Variants in PPFIA1 observed in about 807,000 individuals in gnomAD.
The protein encoded by PPFIA1 is PPFI scaffold protein A1, also known as liprin-alpha-1.
Under a neutral mutation model 149.9 loss-of-function variants are expected in PPFIA1, and 25 were observed. The observed-to-expected ratio is 0.17, with a 90% CI of 0.12 to 0.23. The LOEUF is 0.23. Among genes scored for constraint, PPFIA1 ranks in the 10% least tolerant of loss-of-function variants. The probability of loss-of-function intolerance (pLI) is 1.00; values close to 1 mark genes in which losing one functional copy is unlikely to be tolerated. For missense variants in PPFIA1, 1,362 were observed against 1,506.5 expected, an observed-to-expected ratio of 0.90 and a Z score of 1.59; for synonymous variants, 549 against 552.8, an observed-to-expected ratio of 0.99 and a Z score of 0.10.
At chr11:70,315,694 T>G (rs1420035324) in intron 2 of PPFIA1, among the ~76,000 whole-genome samples, 1 of 147,652 alleles carries the variant, frequency 6.8e-6, no homozygotes, top group African/African-American at 2.5e-5. Context: ...TTTTTTTTTT[T>G]TTTTTTTTTG....
chr11:70,335,472 A>C (rs1021554905), intron 10 of PPFIA1, 91 bp from the exon 11 acceptor site: 1 of 1,481,430 alleles, frequency 6.8e-7, no homozygotes, highest in Admixed American at 1.8e-5. Context: ...GGGAGGGCAC[A>C]CATGGGGCTC....
At chr11:70,349,877 G>C (rs561944106) in intron 16 of PPFIA1, 1 of 454,744 alleles carries the variant, frequency 2.2e-6, no homozygotes, top group Non-Finnish European at 4.4e-6. Context: ...CTATGCTTCC[G>C]TCATTGGTTT....
At chr11:70,316,728 G>A (rs1476252758) in intron 2 of PPFIA1, among the ~76,000 whole-genome samples, 2 of 152,236 alleles carry the variant, frequency 1.3e-5, no homozygotes, top group Non-Finnish European at 2.9e-5. Context: ...TTCCACTGGC[G>A]ATAGGGCTAC....
intron 19 of PPFIA1, among the ~76,000 whole-genome samples, chr11:70,359,795 T>C (rs765614304): frequency 6.6e-6 from 1 of 152,198 alleles, no homozygotes; most frequent in Non-Finnish European, 1.5e-5. Context: ...CAGTAGCAAG[T>C]GAAAGAGCCA....
At chr11:70,339,843 C>T (rs1451452586) in intron 14 of PPFIA1, among the ~76,000 whole-genome samples, 6 of 151,926 alleles carry the variant, frequency 3.9e-5, no homozygotes, top group East Asian at 1.9e-4. Flanking sequence ...GGTGAAACCC[C>T]GTCTCTACTA....
chr11:70,296,916 T>C (rs1158670308), intron 2 of PPFIA1, among the ~76,000 whole-genome samples: 1 of 152,196 alleles, frequency 6.6e-6, no homozygotes, highest in Non-Finnish European at 1.5e-5. Flanking sequence ...CGCTGCTCAC[T>C]GTGAGACGTG....
At chr11:70,342,522 C>T (rs1291718520) in intron 14 of PPFIA1, among the ~76,000 whole-genome samples, 1 of 152,226 alleles carries the variant, frequency 6.6e-6, no homozygotes, top group Non-Finnish European at 1.5e-5. Context: ...GCCCATGCCG[C>T]ATACACTGCC....
At chr11:70,371,313 A>G (rs1254020794) in intron 21 of PPFIA1, 2 of 10 alleles carry the variant, frequency 0.2, no homozygotes, top group Middle Eastern at 0.5. Context: ...CTATACAGAC[A>G]TTAAAAGCAT....
intron 2 of PPFIA1, among the ~76,000 whole-genome samples, chr11:70,313,404 A>G (rs1161558017): frequency 2.0e-5 from 3 of 152,244 alleles, no homozygotes; most frequent in Non-Finnish European, 4.4e-5. Flanking sequence ...CAGGAAAGTC[A>G]GAGTCTGATT....
chr11:70,345,427 G>A (rs1343469460), intron 15 of PPFIA1, among the ~76,000 whole-genome samples: 2 of 152,064 alleles, frequency 1.3e-5, no homozygotes, highest in Non-Finnish European at 2.9e-5. Flanking sequence ...AGGAGCACAT[G>A]GAGCATGTTC....
intron 21 of PPFIA1, among the ~76,000 whole-genome samples, chr11:70,366,547 T>C (rs2056949486): frequency 6.6e-6 from 1 of 152,246 alleles, no homozygotes; most frequent in Non-Finnish European, 1.5e-5. Context: ...CCCAACTGTT[T>C]TGCATTCTGT....
intron 3 of PPFIA1, 104 bp from the exon 4 acceptor site, chr11:70,324,743 G>C: frequency 8.9e-7 from 1 of 1,129,642 alleles, no homozygotes; most frequent in Non-Finnish European, 1.3e-6. Flanking sequence ...GAATTGAAGG[G>C]ACTTCATTTT....
At chr11:70,325,442 A>G in intron 4 of PPFIA1, 58 bp from the exon 5 acceptor site, 4 of 1,145,516 alleles carry the variant, frequency 3.5e-6, no homozygotes, top group Non-Finnish European at 3.9e-6. Context: ...ACTATATATT[A>G]AGAATAAAAT....
rs1246928808 is a variant in PPFIA1, at chr11:70,295,384, A to AC, written c.264+22955dup. 3.8e-4 allele frequency among the ~76,000 whole-genome samples: 45 copies of AC among 117,066 alleles called. 1 individual carries two copies. The highest frequency in any genetic ancestry group is 1.2e-3 in the African/African-American group (36 of 31,198). 76.8% of individuals were successfully genotyped at this position (117,066 alleles called of 152,430 possible). On this transcript the variant is annotated intron_variant, in intron 2 of 27. Coordinates refer to ENST00000253925, the MANE Select transcript of PPFIA1 (RefSeq NM_003626.5). ...GGGCGGCTGGCCGGGCGGGGGGCTG[A>AC]CCCCCCCATCTCCCTCCCGGATGAG...
intron 15 of PPFIA1, among the ~76,000 whole-genome samples, chr11:70,347,800 G>A (rs372377306): frequency 5.9e-5 from 9 of 151,982 alleles, no homozygotes; most frequent in African/African-American, 1.2e-4. Flanking sequence ...TTGGAAGTTC[G>A]AGACCAGCCT....
In PPFIA1 at chr11:70,374,998, G is replaced by A. The variant is rs1242628750; in HGVS notation, c.3220G>A (p.Glu1074Lys). Reference sequence around the variant, plus strand: ...TAAAGAATATGCAAACAATCTTATAGAGAGTGGTGTTCACGGAGCACTTCT... The same window carrying A: ...TAAAGAATATGCAAACAATCTTATAAAGAGTGGTGTTCACGGAGCACTTCT... ...GLKEYANNLIESGVHGALLAL... is the reference protein window; with the variant it reads ...GLKEYANNLIKSGVHGALLAL... The change falls in exon 24 of 28, where the codon GAG (glutamate) becomes AAG (lysine). Residue 1074 changes from glutamate to lysine, a missense_variant. This residue lies in a region of PPFIA1 where 349 missense variants were observed against 373.3 expected (regional missense o/e 0.93). Coordinates refer to ENST00000253925, the MANE Select transcript of PPFIA1 (RefSeq NM_003626.5). The A allele has an allele frequency of 6.2e-7, 1 of 1,613,948 alleles. No homozygotes were observed. The highest frequency in any genetic ancestry group is 1.7e-5 in the Admixed American group (1 of 59,946).
At position 70,355,309 on chromosome 11, in the gene PPFIA1, C is replaced by T. The variant is rs1365191638; in HGVS notation, c.2316-330C>T. Among the ~76,000 whole-genome samples, 8 of 152,226 alleles carry T rather than the reference C, an allele frequency of 5.3e-5. No homozygotes were observed. The East Asian group carries it at 7.7e-4, about 15-fold the overall frequency. ...ACCCCTCAGGCAGTTAACATTGCCA[C>T]GGTTCTCAGCTGAGTAGAGTAATGC... On this transcript the variant is annotated intron_variant, in intron 17 of 27. Coordinates refer to ENST00000253925, the MANE Select transcript of PPFIA1 (RefSeq NM_003626.5).
chr11:70,366,310 G>T (rs752549563), intron 21 of PPFIA1, among the ~76,000 whole-genome samples: 1 of 152,174 alleles, frequency 6.6e-6, no homozygotes, highest in Non-Finnish European at 1.5e-5. Context: ...GTTATTACAA[G>T]ATATACTGAT....
rs374158299 is a variant in PPFIA1 at position 70,280,543 on chromosome 11, T to C, written c.264+8107T>C. On this transcript the variant is annotated intron_variant, in intron 2 of 27. Coordinates refer to ENST00000253925, the MANE Select transcript of PPFIA1 (RefSeq NM_003626.5). Reference sequence around the variant, plus strand: ...AAGATCACGCCATTGCACTCCAGCCTGGGTGGCAAGAGCGAAACTCCGTCT... The same window carrying C: ...AAGATCACGCCATTGCACTCCAGCCCGGGTGGCAAGAGCGAAACTCCGTCT... Among the ~76,000 whole-genome samples the C allele has an allele frequency of 6.6e-4, 101 of 152,152 alleles. 2 individuals are homozygous for C. The South Asian group carries it at 0.021, about 31-fold the overall frequency.
Sources: allele counts gnomAD v4.1 joint callset (sites outside exome capture counted in the v4.1 genomes callset), GRCh38; gene constraint gnomAD v4.1.1; regional missense constraint gnomAD v4.1.1; transcripts MANE v1.5; gene names NCBI Gene and HGNC (gene_info 2026-07-23, HGNC 2026-07-21).